Variants in SNX18 observed in about 807,000 individuals in gnomAD.
SNX18 encodes the protein sorting nexin 18.
SNX18 carries 35 observed loss-of-function variants against 48.7 expected under a neutral mutation model. That is an observed-to-expected ratio of 0.72 (90% CI 0.55 to 0.95). The LOEUF is 0.95. SNX18 is among the 40% of genes least tolerant of loss of function. The pLI is 0.00. For synonymous variants in SNX18, 492 were observed against 384.7 expected (o/e 1.28, Z -3.26); for missense variants, 824 against 871.0 (o/e 0.95, Z 0.68).
chr5:54,612,571 G>C, the SNX18 span, among the ~76,000 whole-genome samples: 1 of 152,084 alleles, frequency 6.6e-6, no homozygotes, highest in South Asian at 2.1e-4. Flanking sequence ...CTGAGGGTGG[G>C]ATTTTTAAAC....
the SNX18 span, among the ~76,000 whole-genome samples, chr5:54,591,248 T>C: frequency 0.15 from 23,236 of 152,062 alleles, 2,029 homozygotes; most frequent in South Asian, 0.22. Flanking sequence ...GGTGTGATCA[T>C]AGTTCATTAC....
At chr5:54,606,761 G>A in the SNX18 span, among the ~76,000 whole-genome samples, 1 of 152,062 alleles carries the variant, frequency 6.6e-6, no homozygotes, top group Non-Finnish European at 1.5e-5. Context: ...TCACAACCAG[G>A]AGATTGACAT....
chr5:54,543,599 A>C lies in SNX18; in HGVS notation c.*167A>C. On this transcript the variant is annotated 3_prime_UTR_variant, in exon 2 of 2. Coordinates refer to ENST00000381410, the MANE Select transcript of SNX18 (RefSeq NM_001102575.2). ...ATAATTATGTAGGAAATAAACAGTT[A>C]ATATGGTTATATAATAGAAACAGTA... 1 of 722,680 alleles carries C rather than the reference A, an allele frequency of 1.4e-6. No homozygotes were observed. The highest frequency in any genetic ancestry group is 2.3e-6 in the Non-Finnish European group (1 of 442,854). The allele number at this position is 722,680 out of a possible 1,614,324, so 44.8% of individuals were successfully genotyped here.
the SNX18 span, among the ~76,000 whole-genome samples, chr5:54,557,904 G>T: frequency 1.3e-5 from 2 of 152,110 alleles, no homozygotes. Context: ...ATTTTTATTT[G>T]TTTTTTAAAA....
downstream of SNX18, among the ~76,000 whole-genome samples, chr5:54,547,474 C>T (rs1485867331): frequency 6.6e-6 from 1 of 152,200 alleles, no homozygotes; most frequent in African/African-American, 2.4e-5. Context: ...TCAGAAATCC[C>T]TAACATCTTC....
chr5:54,609,428 G>T, the SNX18 span, among the ~76,000 whole-genome samples: 28 of 151,952 alleles, frequency 1.8e-4, no homozygotes, highest in Non-Finnish European at 4.0e-4. Context: ...TCTCCTTGGG[G>T]ACGTCATCCG....
At chr5:54,584,457 G>C in the SNX18 span, among the ~76,000 whole-genome samples, 4 of 152,112 alleles carry the variant, frequency 2.6e-5, no homozygotes, top group Admixed American at 2.0e-4. Context: ...GGAGACTAAT[G>C]GGGAGGACAC....
downstream of SNX18, among the ~76,000 whole-genome samples, chr5:54,550,635 G>A (rs1447114834): frequency 6.6e-6 from 1 of 152,208 alleles, no homozygotes; most frequent in Non-Finnish European, 1.5e-5. Flanking sequence ...CCAGGCTGGA[G>A]TGCAGTGGTG....
At chr5:54,581,319 A>G in the SNX18 span, among the ~76,000 whole-genome samples, 1 of 152,202 alleles carries the variant, frequency 6.6e-6, no homozygotes, top group Admixed American at 6.5e-5. Flanking sequence ...GCAAGAAACT[A>G]GAGGCAACAA....
the SNX18 span, among the ~76,000 whole-genome samples, chr5:54,579,000 G>A: frequency 6.6e-6 from 1 of 152,164 alleles, no homozygotes; most frequent in Non-Finnish European, 1.5e-5. Context: ...ATTAGTCAAA[G>A]TTTGTTCATC....
At chr5:54,551,386 C>T (rs1762653635), downstream of SNX18, among the ~76,000 whole-genome samples, 1 of 152,202 alleles carries the variant, frequency 6.6e-6, no homozygotes, top group Admixed American at 6.5e-5. Flanking sequence ...TTCTCCTCCT[C>T]CCTTCCCTGT....
Position 54,518,210 on chromosome 5 carries a change from C to A in SNX18, c.258C>A (p.Phe86Leu), listed in dbSNP as rs1226722245. ...ARYANVPPGG[F>L]EPLPVAPPAS... ...ACGCCAATGTGCCCCCCGGGGGCTTCGAGCCCCTGCCTGTCGCGCCCCCCG... is the reference window on the plus strand; with the variant it reads ...ACGCCAATGTGCCCCCCGGGGGCTTAGAGCCCCTGCCTGTCGCGCCCCCCG... Residue 86 changes from phenylalanine (F) to leucine (L), a missense_variant, in exon 1 of 2, where the codon TTC becomes TTA. Phe to Leu is a conservative substitution (Grantham distance 22, BLOSUM62 0). Transcript: ENST00000381410. The A allele has an allele frequency of 2.9e-6, 4 of 1,399,792 alleles. No individual in the cohort carries two copies. The highest frequency in any genetic ancestry group is 3.0e-5 in the East Asian group (1 of 33,146). 86.7% of individuals were successfully genotyped at this position (1,399,792 alleles called of 1,614,324 possible).
the SNX18 span, chr5:54,645,853 C>T: frequency 6.6e-6 from 1 of 152,202 alleles, no homozygotes; most frequent in South Asian, 2.1e-4. Flanking sequence ...CTAGCTATTT[C>T]TCTTCATGTC....
chr5:54,538,005 C>G (rs968963683), intron 1 of SNX18, among the ~76,000 whole-genome samples: 6 of 152,170 alleles, frequency 3.9e-5, no homozygotes, highest in African/African-American at 1.4e-4. Flanking sequence ...CTATGATGAT[C>G]TAACTCTGCT....
chr5:54,635,630 G>A, the SNX18 span, among the ~76,000 whole-genome samples: 1 of 152,142 alleles, frequency 6.6e-6, no homozygotes, highest in Admixed American at 6.5e-5. Flanking sequence ...GGCCGTCTAT[G>A]GGCTGGAGGT....
At chr5:54,539,437 C>T (rs1762421969) in intron 1 of SNX18, among the ~76,000 whole-genome samples, 1 of 152,198 alleles carries the variant, frequency 6.6e-6, no homozygotes, top group African/African-American at 2.4e-5. Context: ...ATTTACTGTT[C>T]AGATATTCTA....
At chr5:54,563,147 T>TAAGC in the SNX18 span, among the ~76,000 whole-genome samples, 11 of 152,222 alleles carry the variant, frequency 7.2e-5, no homozygotes, top group Non-Finnish European at 1.3e-4. Context: ...AAAGTTACAG[T>TAAGC]AAGCTAAGGT....
At chr5:54,616,512 C>T in the SNX18 span, among the ~76,000 whole-genome samples, 4 of 152,136 alleles carry the variant, frequency 2.6e-5, no homozygotes, top group African/African-American at 4.8e-5. Context: ...GTGGCTCACA[C>T]CTGTAATCCC....
chr5:54,537,986 G>T (rs1211043353), intron 1 of SNX18, among the ~76,000 whole-genome samples: 1 of 152,196 alleles, frequency 6.6e-6, no homozygotes, highest in Non-Finnish European at 1.5e-5. Context: ...TATCCTAGAA[G>T]TAGCAAGTCT....
Sources: allele counts gnomAD v4.1 joint callset (sites outside exome capture counted in the v4.1 genomes callset), GRCh38; gene constraint gnomAD v4.1.1; transcripts MANE v1.5; gene names NCBI Gene and HGNC (gene_info 2026-07-23, HGNC 2026-07-21).